The following CPEB3 variants were observed in gnomAD, a reference collection of about 807,000 sequenced individuals.
The protein encoded by CPEB3 is cytoplasmic polyadenylation element-binding protein 3.
In CPEB3, 20 loss-of-function variants were observed where a neutral mutation model predicts 67.2. That is an observed-to-expected ratio of 0.30 (90% CI 0.21 to 0.43). CPEB3 has a LOEUF of 0.43. Ranked by LOEUF, CPEB3 falls within the 20% of genes least tolerant of loss-of-function variation. The pLI, the probability that CPEB3 is intolerant of heterozygous loss-of-function variation, is 1.00. For synonymous variants in CPEB3, 376 were observed against 393.1 expected, an observed-to-expected ratio of 0.96 and a Z score of 0.51; for missense variants, 746 against 968.6, an observed-to-expected ratio of 0.77 and a Z score of 3.05.
chr10:92,158,109 T>C (rs1847292573), intron 4 of CPEB3, among the ~76,000 whole-genome samples: 1 of 152,126 alleles, frequency 6.6e-6, no homozygotes, highest in Admixed American at 6.5e-5. Context: ...TGGGTATTTG[T>C]ATCAAAATGG....
At chr10:92,093,228 A>G (rs954113782) in intron 7 of CPEB3, among the ~76,000 whole-genome samples, 12 of 152,202 alleles carry the variant, frequency 7.9e-5, no homozygotes, top group African/African-American at 2.9e-4. Flanking sequence ...TCTGTCCTCA[A>G]GGAACATGCC....
intron 1 of CPEB3, 84 bp from the exon 2 acceptor site, chr10:92,240,445 G>T: frequency 7.6e-7 from 1 of 1,313,084 alleles, no homozygotes; most frequent in Non-Finnish European, 1.0e-6. Flanking sequence ...TTTCACTTGC[G>T]AAAATCCATC....
chr10:92,259,530 G>A (rs1590559059), intron 1 of CPEB3, among the ~76,000 whole-genome samples: 1 of 151,724 alleles, frequency 6.6e-6, no homozygotes, highest in South Asian at 2.1e-4. Flanking sequence ...GAACCCGGGA[G>A]GCGGAAGTTG....
intron 1 of CPEB3, among the ~76,000 whole-genome samples, chr10:92,246,289 G>A (rs1367142085): frequency 6.7e-6 from 1 of 150,368 alleles, no homozygotes; most frequent in Non-Finnish European, 1.5e-5. Flanking sequence ...AGCCAAGATC[G>A]CGCCACTGCA....
intron 2 of CPEB3, among the ~76,000 whole-genome samples, chr10:92,194,968 T>C (rs567346101): frequency 1.3e-5 from 2 of 151,020 alleles, no homozygotes; most frequent in East Asian, 2.0e-4. Context: ...GGCGTGAACC[T>C]GGGAGGTGGA....
intron 4 of CPEB3, among the ~76,000 whole-genome samples, chr10:92,155,569 G>A (rs1847168409): frequency 6.6e-6 from 1 of 152,102 alleles, no homozygotes; most frequent in African/African-American, 2.4e-5. Context: ...TTTCAGCTTT[G>A]GAAATGAAAG....
chr10:92,118,856 G>A, intron 6 of CPEB3: 3 of 792,070 alleles, frequency 3.8e-6, no homozygotes, highest in Admixed American at 1.7e-5. Context: ...CATGGCAATG[G>A]CCATCTGCCA....
intron 3 of CPEB3, among the ~76,000 whole-genome samples, chr10:92,184,095 T>C (rs1483725166): frequency 6.6e-6 from 1 of 152,194 alleles, no homozygotes; most frequent in Non-Finnish European, 1.5e-5. Flanking sequence ...TTGGTAGTTT[T>C]CAAATTATTA....
chr10:92,225,940 T>C (rs1199547070), intron 2 of CPEB3, among the ~76,000 whole-genome samples: 4 of 151,854 alleles, frequency 2.6e-5, no homozygotes, highest in Non-Finnish European at 5.9e-5. Context: ...CTACTGAAAA[T>C]ACAAAAATTA....
chr10:92,109,973 C>T (rs1427540387), intron 7 of CPEB3, among the ~76,000 whole-genome samples: 1 of 152,170 alleles, frequency 6.6e-6, no homozygotes, highest in Non-Finnish European at 1.5e-5. Context: ...CTGACCTCTA[C>T]CAAATGCTTT....
At chr10:92,252,188 C>T (rs575682491) in intron 1 of CPEB3, among the ~76,000 whole-genome samples, 90 of 152,008 alleles carry the variant, frequency 5.9e-4, no homozygotes, top group Non-Finnish European at 1.2e-3. Context: ...TGAAAAGGTG[C>T]TCTACCTCAC....
chr10:92,231,658 T>C (rs1851273377), intron 2 of CPEB3, among the ~76,000 whole-genome samples: 1 of 152,198 alleles, frequency 6.6e-6, no homozygotes, highest in African/African-American at 2.4e-5. Context: ...CACTACTGTA[T>C]GCTCCCCTCC....
intron 1 of CPEB3, among the ~76,000 whole-genome samples, chr10:92,288,625 T>C (rs977284285): frequency 4.6e-5 from 7 of 152,220 alleles, no homozygotes; most frequent in African/African-American, 1.4e-4. Context: ...TAAAAGGTTT[T>C]TGACACAGCC....
chr10:92,203,122 T>C (rs1376068135), intron 2 of CPEB3, among the ~76,000 whole-genome samples: 1 of 151,246 alleles, frequency 6.6e-6, no homozygotes, highest in Non-Finnish European at 1.5e-5. Context: ...TTTGTATTTT[T>C]AGTAGAGACA....
At chr10:92,121,301 C>T (rs1845365217) in intron 6 of CPEB3, among the ~76,000 whole-genome samples, 1 of 150,378 alleles carries the variant, frequency 6.6e-6, no homozygotes, top group South Asian at 2.1e-4. Context: ...AGCCACCACG[C>T]CCGGTCTACA....
intron 1 of CPEB3, among the ~76,000 whole-genome samples, chr10:92,264,133 A>G (rs1317498183): frequency 6.6e-6 from 1 of 152,136 alleles, no homozygotes; most frequent in Non-Finnish European, 1.5e-5. Context: ...GTTCAAGACC[A>G]GCCTGGACAA....
chr10:92,095,768 TG>T (rs1479035662), intron 7 of CPEB3, among the ~76,000 whole-genome samples: 1 of 151,890 alleles, frequency 6.6e-6, no homozygotes, highest in East Asian at 1.9e-4. Flanking sequence ...TGAGAATAGA[TG>T]AAATTAGAAT....
At chr10:92,156,583 T>C (rs1847220913) in intron 4 of CPEB3, among the ~76,000 whole-genome samples, 1 of 152,222 alleles carries the variant, frequency 6.6e-6, no homozygotes, top group Non-Finnish European at 1.5e-5. Flanking sequence ...ATGGTGTCTA[T>C]TTTCTACATA....
chr10:92,267,258 C>T (rs952959464), intron 1 of CPEB3, among the ~76,000 whole-genome samples: 4 of 152,168 alleles, frequency 2.6e-5, no homozygotes, highest in African/African-American at 9.6e-5. Flanking sequence ...TCTCTTGTTA[C>T]ATACTCTTCT....
Sources: allele counts gnomAD v4.1 joint callset (sites outside exome capture counted in the v4.1 genomes callset), GRCh38; gene constraint gnomAD v4.1.1; transcripts MANE v1.5; gene names NCBI Gene and HGNC (gene_info 2026-07-23, HGNC 2026-07-21).